DNAH7: variants seen among roughly 807,000 people sequenced by gnomAD.
DNAH7 encodes dynein axonemal heavy chain 7.
Under a neutral mutation model 444.6 loss-of-function variants are expected in DNAH7, and 397 were observed. The observed-to-expected ratio is 0.89, with a 90% CI of 0.82 to 0.97. DNAH7 has a LOEUF of 0.97. Among genes scored for constraint, DNAH7 ranks in the 50% least tolerant of loss-of-function variants. The pLI is 0.00. For synonymous variants in DNAH7, 1,636 were observed against 1,624.4 expected (o/e 1.01, Z -0.17); for missense variants, 4,902 against 4,800.8 (o/e 1.02, Z -0.62).
intron 19 of DNAH7, among the ~76,000 whole-genome samples, chr2:195,948,239 ACTGC>A (rs1305066281): frequency 3.9e-5 from 6 of 151,964 alleles, no homozygotes; most frequent in African/African-American, 1.5e-4. Flanking sequence ...CATTCTGTAG[ACTGC>A]CTGTTTACTC....
At chr2:195,772,814 T>C (rs940034779) in intron 60 of DNAH7, among the ~76,000 whole-genome samples, 2 of 148,330 alleles carry the variant, frequency 1.3e-5, no homozygotes, top group African/African-American at 5.1e-5. Context: ...GTAGTCTCAC[T>C]CTGTTGCCCA....
intron 29 of DNAH7, among the ~76,000 whole-genome samples, chr2:195,896,122 A>C (rs548483825): frequency 6.6e-6 from 1 of 152,360 alleles, no homozygotes; most frequent in East Asian, 1.9e-4. Context: ...ACATTTTAAG[A>C]AACTGCTTAA....
intron 36 of DNAH7, among the ~76,000 whole-genome samples, chr2:195,881,088 T>C (rs1043701382): frequency 2.1e-4 from 32 of 152,160 alleles, no homozygotes; most frequent in Non-Finnish European, 4.0e-4. Context: ...CTCCCATACA[T>C]GCAAGCATTT....
chr2:195,860,035 A>G (rs536656503), intron 42 of DNAH7, among the ~76,000 whole-genome samples: 10 of 152,302 alleles, frequency 6.6e-5, no homozygotes, highest in African/African-American at 2.2e-4. Context: ...GGATAATTTA[A>G]TATCTTTTTT....
chr2:195,863,488 G>T (rs1303758712), intron 41 of DNAH7, among the ~76,000 whole-genome samples: 1 of 151,696 alleles, frequency 6.6e-6, no homozygotes, highest in Non-Finnish European at 1.5e-5. Context: ...CCATCCATTC[G>T]CTGCCTTTTT....
intron 22 of DNAH7, among the ~76,000 whole-genome samples, chr2:195,925,207 T>C (rs1194020164): frequency 1.3e-5 from 2 of 152,136 alleles, no homozygotes; most frequent in Non-Finnish European, 2.9e-5. Context: ...TTCTATTATT[T>C]ACACGGTTAA....
rs141040387 is a variant in DNAH7, at chr2:196,005,501, T to C, written c.990-3643A>G. ...CAAGAAAAAAGAGCAAAGACTCAAA[T>C]TGTTAAAATCAGGAATAAAAGGGGA... On this transcript the variant is annotated intron_variant, in intron 10 of 64. Transcript: ENST00000312428. 2.2e-3 allele frequency among the ~76,000 whole-genome samples: 337 copies of C among 152,032 alleles called. 1 individual carries two copies. The highest frequency in any genetic ancestry group is 7.8e-3 in the African/African-American group (323 of 41,510).
At chr2:195,945,512 G>C (rs1293525778) in intron 19 of DNAH7, among the ~76,000 whole-genome samples, 1 of 152,178 alleles carries the variant, frequency 6.6e-6, no homozygotes, top group Non-Finnish European at 1.5e-5. Context: ...CAGAAAGCTG[G>C]TCACTTTCAC....
At chr2:195,896,707 T>C (rs116668129) in intron 29 of DNAH7, among the ~76,000 whole-genome samples, 2,797 of 152,272 alleles carry the variant, frequency 0.018, 77 homozygotes, top group African/African-American at 0.063. Flanking sequence ...TCCTGGAAAA[T>C]CTGTACAGTG....
chr2:195,960,549 A>G lies in DNAH7; in HGVS notation c.2602T>C (p.Ser868Pro), dbSNP rs1472497812. 1 of 1,614,234 alleles carries G rather than the reference A, an allele frequency of 6.2e-7. No individual in the cohort carries two copies. The highest frequency in any genetic ancestry group is 2.2e-5 in the East Asian group (1 of 44,888). ...SAIVGYPLQP[S>P]DDSTVSSFLD... ...AAAGAGGAGACTGTGGAGTCATCTG[A>G]TGGCTGCAAAGGGTAACCAACAATG... Residue 868 changes from serine to proline, a missense_variant, in exon 18 of 65, where the codon TCA (serine) becomes CCA (proline). Ser to Pro is a moderately conservative substitution (Grantham distance 74). Coordinates refer to ENST00000312428, the MANE Select transcript of DNAH7 (RefSeq NM_018897.3).
At chr2:195,975,979 G>A (rs2125589707) in intron 15 of DNAH7, among the ~76,000 whole-genome samples, 1 of 152,228 alleles carries the variant, frequency 6.6e-6, no homozygotes, top group South Asian at 2.1e-4. Flanking sequence ...GTGTGATCTG[G>A]CACATTCACA....
chr2:195,907,127 TC>T, intron 25 of DNAH7, 118 bp from the exon 26 acceptor site: 1 of 716,320 alleles, frequency 1.4e-6, no homozygotes, highest in Non-Finnish European at 2.2e-6. Context: ...AATTGCTTAT[TC>T]GCCTTTATCT....
chr2:195,907,991 T>C (rs1687137353), intron 25 of DNAH7, among the ~76,000 whole-genome samples: 1 of 152,100 alleles, frequency 6.6e-6, no homozygotes, highest in Non-Finnish European at 1.5e-5. Context: ...AAATCATGTC[T>C]AATTTTCTAC....
chr2:196,043,204 A>G (rs1696882151), intron 5 of DNAH7, among the ~76,000 whole-genome samples: 1 of 152,058 alleles, frequency 6.6e-6, no homozygotes, highest in Non-Finnish European at 1.5e-5. Context: ...ATTTAGAGGC[A>G]TGTGAATTAT....
intron 58 of DNAH7, among the ~76,000 whole-genome samples, chr2:195,780,312 T>C (rs929526085): frequency 6.6e-6 from 1 of 152,186 alleles, no homozygotes; most frequent in Admixed American, 6.5e-5. Flanking sequence ...CTAATTTAAA[T>C]GGTTATCTTC....
In DNAH7 at chr2:195,895,592, T is replaced by TTTAAAGTATAAAGTAA. The variant is rs546682350; in HGVS notation, c.4648-369_4648-368insTTACTTTATACTTTAA. Among the ~76,000 whole-genome samples the TTTAAAGTATAAAGTAA allele has an allele frequency of 5.0e-4, 76 of 152,208 alleles. 1 individual carries two copies. The highest frequency in any genetic ancestry group is 1.8e-3 in the African/African-American group (74 of 41,546). On this transcript the variant is annotated intron_variant, in intron 29 of 64. Coordinates refer to ENST00000312428, the MANE Select transcript of DNAH7 (RefSeq NM_018897.3). The stretch of plus-strand genomic sequence containing the variant: ...TAGCTGGGACTATAGGTGGCAGTAT[T>TTTAAAGTATAAAGTAA]TTAAAGTATAAAATTTCATAAATAA...
At chr2:195,932,860 G>C (rs548359390) in intron 21 of DNAH7, among the ~76,000 whole-genome samples, 1 of 152,210 alleles carries the variant, frequency 6.6e-6, no homozygotes, top group East Asian at 1.9e-4. Flanking sequence ...TGTTCATCAG[G>C]GATATTGGTC....
intron 14 of DNAH7, among the ~76,000 whole-genome samples, chr2:195,985,547 T>C (rs1559303707): frequency 6.6e-6 from 1 of 152,196 alleles, no homozygotes; most frequent in Non-Finnish European, 1.5e-5. Flanking sequence ...ACAGGCTTTC[T>C]GGAGAGGTGA....
intron 58 of DNAH7, among the ~76,000 whole-genome samples, chr2:195,778,733 C>CATATATATACACATATATATATACACAT (rs1553518263): frequency 0.017 from 1,954 of 116,186 alleles, 52 homozygotes; most frequent in African/African-American, 0.042. Context: ...TATATATACA[C>CATATATATACACATATATATATACACAT]ATATATATAT....
Sources: gnomAD v4.1 joint callset for allele counts (sites outside exome capture counted in the v4.1 genomes callset) on GRCh38, gnomAD v4.1.1 for gene constraint, MANE v1.5 for transcripts, NCBI Gene and HGNC (gene_info 2026-07-23, HGNC 2026-07-21) for gene names.